Variants in GNG7 observed in about 807,000 individuals in gnomAD.
GNG7 encodes the protein guanine nucleotide-binding protein G(I)/G(S)/G(O) subunit gamma-7.
In GNG7, 1 loss-of-function variant was observed where a neutral mutation model predicts 4.0. That is an observed-to-expected ratio of 0.25 (90% CI 0.09 to 1.18). The LOEUF (loss-of-function observed/expected upper bound fraction) is 1.18, where lower values mean the gene tolerates loss of function less well. Among genes scored for constraint, GNG7 ranks in the 50% most tolerant of loss-of-function variants. The pLI is 0.50. For synonymous variants in GNG7, 34 were observed against 36.9 expected, an observed-to-expected ratio of 0.92 and a Z score of 0.29; for missense variants, 86 against 91.9, an observed-to-expected ratio of 0.94 and a Z score of 0.26.
intron 2 of GNG7, among the ~76,000 whole-genome samples, chr19:2,645,312 C>T (rs1982636956): frequency 6.6e-6 from 1 of 150,438 alleles, no homozygotes; most frequent in Non-Finnish European, 1.5e-5. Flanking sequence ...GATCTTGGCT[C>T]ACTGCAACCA....
chr19:2,635,208 G>T (rs1982274962), intron 2 of GNG7, among the ~76,000 whole-genome samples: 1 of 147,970 alleles, frequency 6.8e-6, no homozygotes, highest in Admixed American at 6.6e-5. Context: ...CAGAGGTGCA[G>T]GTGGGTGCAG....
At chr19:2,548,481 GA>G (rs34242476) in intron 3 of GNG7, among the ~76,000 whole-genome samples, 3,603 of 77,262 alleles carry the variant, frequency 0.047, 177 homozygotes, top group African/African-American at 0.15. Flanking sequence ...GCTCTGTCTG[GA>G]AAAAAAAAAA....
chr19:2,657,534 C>G (rs1983029191), intron 1 of GNG7, among the ~76,000 whole-genome samples: 1 of 150,458 alleles, frequency 6.6e-6, no homozygotes, highest in Non-Finnish European at 1.5e-5. Flanking sequence ...TTGAATTCTG[C>G]CCCCAAGGAT....
At chr19:2,574,757 G>A (rs1422516591) in intron 2 of GNG7, among the ~76,000 whole-genome samples, 1 of 152,170 alleles carries the variant, frequency 6.6e-6, no homozygotes, top group African/African-American at 2.4e-5. Context: ...GGATTGCTGG[G>A]CCCTATGGTA....
At chr19:2,607,810 G>A (rs1284216499) in intron 2 of GNG7, among the ~76,000 whole-genome samples, 1 of 152,092 alleles carries the variant, frequency 6.6e-6, no homozygotes, top group Non-Finnish European at 1.5e-5. Context: ...GCACTGGGAA[G>A]TAGCCTGCAG....
rs971073369 is a variant in GNG7, at chr19:2,689,984, G to A, written c.-135+12662C>T. ...TATTTCTGGACACTAAAATCTGAATGCCATATAATTGTCATGTGTCATGGC... is the reference window on the plus strand; with the variant it reads ...TATTTCTGGACACTAAAATCTGAATACCATATAATTGTCATGTGTCATGGC... On this transcript the variant is annotated intron_variant, in intron 1 of 4. Coordinates refer to ENST00000382159, the MANE Select transcript of GNG7 (RefSeq NM_052847.3). 2.0e-5 allele frequency among the ~76,000 whole-genome samples: 3 copies of A among 152,186 alleles called. No individual in the cohort carries two copies. The East Asian group carries it at 5.8e-4, about 29-fold the overall frequency.
chr19:2,669,085 C>G (rs1169520353), intron 1 of GNG7, among the ~76,000 whole-genome samples: 1 of 152,130 alleles, frequency 6.6e-6, no homozygotes, highest in African/African-American at 2.4e-5. Flanking sequence ...CTCAAGGTCA[C>G]CACCCTAGGA....
intron 2 of GNG7, among the ~76,000 whole-genome samples, chr19:2,597,317 C>T (rs1397634199): frequency 6.6e-6 from 1 of 152,118 alleles, no homozygotes; most frequent in South Asian, 2.1e-4. Context: ...CTACTTGGGG[C>T]CAGTCACAGT....
chr19:2,615,257 G>C (rs1981688167), intron 2 of GNG7, among the ~76,000 whole-genome samples: 1 of 151,608 alleles, frequency 6.6e-6, no homozygotes, highest in Admixed American at 6.6e-5. Flanking sequence ...CACCTCCCAG[G>C]TTCCCACCAT....
intron 1 of GNG7, among the ~76,000 whole-genome samples, chr19:2,671,346 G>A (rs989230876): frequency 6.6e-6 from 1 of 152,058 alleles, no homozygotes; most frequent in African/African-American, 2.4e-5. Flanking sequence ...GATCCCCCTG[G>A]ACACCGGTGG....
At chr19:2,675,850 G>A (rs559665145) in intron 1 of GNG7, among the ~76,000 whole-genome samples, 2 of 152,254 alleles carry the variant, frequency 1.3e-5, no homozygotes, top group South Asian at 4.2e-4. Flanking sequence ...CAGCACCAGG[G>A]GGAAGAGACT....
chr19:2,529,020 C>T (rs1460812545), intron 3 of GNG7, among the ~76,000 whole-genome samples: 2 of 152,246 alleles, frequency 1.3e-5, no homozygotes, highest in African/African-American at 4.8e-5. Context: ...GACTTGCACC[C>T]TGTCGCCACT....
intron 2 of GNG7, among the ~76,000 whole-genome samples, chr19:2,566,610 G>T (rs1176675202): frequency 6.6e-6 from 1 of 152,132 alleles, no homozygotes; most frequent in African/African-American, 2.4e-5. Context: ...CACCCCCACT[G>T]CTAAAGGACT....
In GNG7 at chr19:2,633,863, G is replaced by A. The variant is rs1243638702; in HGVS notation, c.-78+12361C>T. Among the ~76,000 whole-genome samples the A allele has an allele frequency of 2.6e-5, 4 of 152,248 alleles. No homozygotes were observed. Among genetic ancestry groups the A allele is most frequent in the African/African-American group, 9.6e-5 (4 of 41,556 alleles). ...CATTCTTGGTTGTGGGGCTGCCCCGGGCACTGCAGGGTGCTGAGTGGCACC... is the reference window on the plus strand; with the variant it reads ...CATTCTTGGTTGTGGGGCTGCCCCGAGCACTGCAGGGTGCTGAGTGGCACC... On this transcript the variant is annotated intron_variant, in intron 2 of 4. Transcript: ENST00000382159. The surrounding 1 kb of genome is among the most constrained non-coding windows in gnomAD (Gnocchi z 5.9).
chr19:2,560,647 G>A (rs1014467537), intron 2 of GNG7, among the ~76,000 whole-genome samples: 2 of 152,116 alleles, frequency 1.3e-5, no homozygotes, highest in South Asian at 2.1e-4. Flanking sequence ...AGGGCCTGGG[G>A]GGACCCTGAA....
At position 2,666,153 on chromosome 19, in the gene GNG7, T is replaced by C. The variant is rs113532981; in HGVS notation, c.-134-19873A>G. Among the ~76,000 whole-genome samples, 763 of 151,434 alleles carry C rather than the reference T, an allele frequency of 5.0e-3. 11 individuals carry two copies. The highest frequency in any genetic ancestry group is 0.018 in the African/African-American group (734 of 41,244). On this transcript the variant is annotated intron_variant, in intron 1 of 4. Transcript: ENST00000382159. ...AGTGCCACCGTGCCCGGCTTATGTT[T>C]TAATTTTTATTGTATTTATTTATTC... is the stretch of plus-strand genomic sequence containing the variant.
intron 3 of GNG7, among the ~76,000 whole-genome samples, chr19:2,543,656 G>A (rs1390890021): frequency 2.6e-5 from 4 of 152,150 alleles, no homozygotes; most frequent in African/African-American, 9.7e-5. Context: ...CCTAAGGCCA[G>A]CGGGCGTTTG....
intron 2 of GNG7, among the ~76,000 whole-genome samples, chr19:2,568,492 A>G (rs1269409717): frequency 6.6e-6 from 1 of 151,878 alleles, no homozygotes; most frequent in African/African-American, 2.4e-5. Flanking sequence ...AGACTTACGC[A>G]CATACACAGG....
At chr19:2,681,245 A>G (rs1000986624) in intron 1 of GNG7, among the ~76,000 whole-genome samples, 27 of 151,332 alleles carry the variant, frequency 1.8e-4, no homozygotes, top group African/African-American at 5.8e-4. Flanking sequence ...ATGCAGTGGC[A>G]CGATCTCGGC....
Sources: gnomAD v4.1 joint callset for allele counts (sites outside exome capture counted in the v4.1 genomes callset) on GRCh38, gnomAD v4.1.1 for gene constraint, Gnocchi (gnomAD v3.1) non-coding constraint, MANE v1.5 for transcripts, NCBI Gene and HGNC (gene_info 2026-07-23, HGNC 2026-07-21) for gene names.